The following SLC38A7 variants were observed in gnomAD, a reference collection of about 807,000 sequenced individuals.
SLC38A7 encodes the protein sodium-coupled neutral amino acid transporter 7.
In SLC38A7, 29 loss-of-function variants were observed where a neutral mutation model predicts 50.1. The observed-to-expected ratio is 0.58, with a 90% CI of 0.43 to 0.79. SLC38A7 has a LOEUF of 0.79. Ranked by LOEUF, SLC38A7 falls within the 30% of genes least tolerant of loss-of-function variation. SLC38A7 has a pLI of 0.00. For synonymous variants in SLC38A7, 244 were observed against 245.9 expected (o/e 0.99, Z 0.07); for missense variants, 483 against 610.6 (o/e 0.79, Z 2.20).
chr16:58,672,048 G>C, intron 9 of SLC38A7, 48 bp downstream of exon 9: 1 of 1,486,912 alleles, frequency 6.7e-7, no homozygotes, highest in South Asian at 1.3e-5. Context: ...CATGTTGGAA[G>C]CGCTCACAGG....
chr16:58,674,620 TTAAG>T (rs1428243742), intron 8 of SLC38A7, among the ~76,000 whole-genome samples: 2 of 152,008 alleles, frequency 1.3e-5, no homozygotes, highest in African/African-American at 4.8e-5. Flanking sequence ...ACACTGGTCT[TTAAG>T]TAAACAATAA....
rs1235825858 is a variant in SLC38A7, at chr16:58,672,251, C to T, written c.884-8G>A. The T allele has an allele frequency of 1.9e-6, 3 of 1,577,012 alleles. No homozygotes were observed. The highest frequency in any genetic ancestry group is 2.6e-6 in the Non-Finnish European group (3 of 1,161,054). The stretch of plus-strand genomic sequence containing the variant: ...TCAGGAAGCCACAGATGCCTGTGGG[C>T]AGGGACAACTGGGTCAGGGCAACCC... On this transcript the variant is annotated splice_polypyrimidine_tract_variant and splice_region_variant and intron_variant, in intron 8 of 11. Transcript: ENST00000219320.
In SLC38A7 at chr16:58,678,248, G is replaced by A. The variant is rs528806576; in HGVS notation, c.611+85C>T. On this transcript the variant is annotated intron_variant, in intron 5 of 11. Coordinates refer to ENST00000219320, the MANE Select transcript of SLC38A7 (RefSeq NM_018231.3). The surrounding 1 kb of genome is among the most constrained non-coding windows in gnomAD (Gnocchi z 4.0). ...TTGCTCCCCAAGGTGAGGTGGCATG[G>A]AGGAGCAGGGTTCCCCAGGAGCCCT... The A allele has an allele frequency of 1.1e-4, 154 of 1,421,448 alleles. No individual in the cohort carries two copies. The highest frequency in any genetic ancestry group is 1.3e-4 in the Non-Finnish European group (140 of 1,076,768). 88.1% of individuals were successfully genotyped at this position (1,421,448 alleles called of 1,614,324 possible). A position where few individuals can be genotyped will look rare whatever the true frequency, so the allele number is the denominator to read the frequency against.
Position 58,671,108 on chromosome 16 carries a change from CAG to C in SLC38A7, c.1166_1167del (p.Pro389ArgfsTer32), listed in dbSNP as rs2044150642. The C allele has an allele frequency of 6.2e-7, 1 of 1,613,756 alleles. No individual in the cohort carries two copies. The highest frequency in any genetic ancestry group is 1.1e-5 in the South Asian group (1 of 91,072). ...LLTLLLALFI[P>X]DIGKVISVIG... The stretch of plus-strand genomic sequence containing the variant: ...ATGACTGAGATCACCTTGCCGATGT[CAG>C]GGATGAAGAGCGCCAGCAGCAGGGT... On this transcript the variant is annotated frameshift_variant, in exon 10 of 12. Coordinates refer to ENST00000219320, the MANE Select transcript of SLC38A7 (RefSeq NM_018231.3). LOFTEE classifies it high-confidence loss of function.
chr16:58,679,829 C>T (rs368144963), intron 3 of SLC38A7, 28 bp downstream of exon 3: 2 of 1,612,026 alleles, frequency 1.2e-6, no homozygotes, highest in African/African-American at 2.7e-5. Flanking sequence ...CTGAACTGCA[C>T]CTCTGCCCTC....
intron 8 of SLC38A7, among the ~76,000 whole-genome samples, chr16:58,673,868 C>T (rs2044209549): frequency 6.6e-6 from 1 of 150,718 alleles, no homozygotes; most frequent in Non-Finnish European, 1.5e-5. Context: ...CTTTCTCCCC[C>T]AGGCTGGAGT....
chr16:58,671,912 C>G (rs2044166782), intron 9 of SLC38A7, 184 bp downstream of exon 9: 2 of 602,390 alleles, frequency 3.3e-6, no homozygotes. Context: ...TTCTGGTGAC[C>G]CCAGGACAAA....
At position 58,678,218 on chromosome 16, in the gene SLC38A7, T is replaced by G; in HGVS notation, c.611+115A>C. ...AAGCCCCGGTCTGCCCTGCCTTGCC[T>G]ACTCTTGCTCCCCAAGGTGAGGTGG... On this transcript the variant is annotated intron_variant, in intron 5 of 11. Coordinates refer to ENST00000219320, the MANE Select transcript of SLC38A7 (RefSeq NM_018231.3). This position sits in a 1 kb window ranked among gnomAD's most constrained non-coding sequence, Gnocchi z 4.0. 1 of 1,296,590 alleles carries G rather than the reference T, an allele frequency of 7.7e-7. No homozygotes were observed. The highest frequency in any genetic ancestry group is 1.0e-6 in the Non-Finnish European group (1 of 966,192). 80.3% of individuals were successfully genotyped at this position (1,296,590 alleles called of 1,614,324 possible).
intron 11 of SLC38A7, among the ~76,000 whole-genome samples, chr16:58,667,847 G>A (rs1051548166): frequency 6.6e-6 from 1 of 152,190 alleles, no homozygotes; most frequent in East Asian, 1.9e-4. Flanking sequence ...CCAATTAACA[G>A]CAACAGGGAT....
intron 8 of SLC38A7, among the ~76,000 whole-genome samples, chr16:58,673,191 C>T (rs1183206751): frequency 3.4e-5 from 5 of 146,656 alleles, no homozygotes; most frequent in Non-Finnish European, 1.5e-5. Flanking sequence ...CATGCCTCAG[C>T]CTCCTAAGCA....
intron 8 of SLC38A7, chr16:58,675,477 T>C (rs986762513): frequency 4.6e-5 from 14 of 305,198 alleles, no homozygotes; most frequent in Non-Finnish European, 5.8e-5. Context: ...ATCATGCCAC[T>C]GCACTCCAGC....
In SLC38A7 at chr16:58,677,337, G is replaced by A; in HGVS notation, c.699C>T (p.Asn233=). 6.2e-7 allele frequency: 1 copy of A among 1,614,022 alleles called. No individual in the cohort carries two copies. Among genetic ancestry groups the A allele is most frequent in the Non-Finnish European group, 8.5e-7 (1 of 1,179,932 alleles). Residue 233 remains asparagine (N), a synonymous_variant, in exon 6 of 12, where the codon AAC becomes AAT. Coordinates refer to ENST00000219320, the MANE Select transcript of SLC38A7 (RefSeq NM_018231.3). ...GCCCTCACCCTCACCTGGTCAGGAT[G>A]TTCCCTGGGGTCATCTCTTTATCTG... The part of the protein sequence containing the change: ...IWPDKEMTPG[N]ILTRPASWMA...
Position 58,678,282 on chromosome 16 carries a change from C to T in SLC38A7, c.611+51G>A. The T allele has an allele frequency of 3.4e-6, 5 of 1,485,348 alleles. No individual in the cohort carries two copies. The highest frequency in any genetic ancestry group is 2.3e-5 in the East Asian group (1 of 42,770). The allele number at this position is 1,485,348 out of a possible 1,614,324, so 92.0% of individuals were successfully genotyped here. Reference sequence around the variant, plus strand: ...GGTTCCCCAGGAGCCCTTGGGTCTACAGCTGCCCAGGATCATAGCTTCTGT... The same window carrying T: ...GGTTCCCCAGGAGCCCTTGGGTCTATAGCTGCCCAGGATCATAGCTTCTGT... On this transcript the variant is annotated intron_variant, in intron 5 of 11. Coordinates refer to ENST00000219320, the MANE Select transcript of SLC38A7 (RefSeq NM_018231.3). This position sits in a 1 kb window ranked among gnomAD's most constrained non-coding sequence, Gnocchi z 4.0.
At chr16:58,677,512 GACC>G (rs1437246727) in intron 5 of SLC38A7, 88 bp from the exon 6 acceptor site, 3 of 1,115,104 alleles carry the variant, frequency 2.7e-6, no homozygotes, top group East Asian at 2.4e-5. Context: ...CAGCTCTAGC[GACC>G]ACAAGTGTCC....
intron 2 of SLC38A7, chr16:58,681,898 T>G (rs980633283): frequency 2.6e-5 from 4 of 152,350 alleles, no homozygotes; most frequent in African/African-American, 9.6e-5. Flanking sequence ...GGCTCACATC[T>G]GTAATTCCAG....
chr16:58,679,581 A>AGGGCCCTCTTTTTAAAC lies in SLC38A7; in HGVS notation c.270+259_270+275dup, dbSNP rs149155011. The stretch of plus-strand genomic sequence containing the variant: ...TTTCAGTATGTAGTTCTAAAAGATA[A>AGGGCCCTCTTTTTAAAC]GGGCCCTCTTTTTAAACATACCACA... On this transcript the variant is annotated intron_variant, in intron 3 of 11. Coordinates refer to ENST00000219320, the MANE Select transcript of SLC38A7 (RefSeq NM_018231.3). 3,595 of 532,136 alleles carry AGGGCCCTCTTTTTAAAC rather than the reference A, an allele frequency of 6.8e-3. 102 individuals are homozygous for AGGGCCCTCTTTTTAAAC. Among genetic ancestry groups the AGGGCCCTCTTTTTAAAC allele is most frequent in the African/African-American group, 0.062 (3,251 of 52,490 alleles). 33.0% of individuals were successfully genotyped at this position (532,136 alleles called of 1,614,324 possible).
chr16:58,672,842 G>A lies in SLC38A7; in HGVS notation c.884-599C>T, dbSNP rs534934099. On this transcript the variant is annotated intron_variant, in intron 8 of 11. Transcript: ENST00000219320. ...TCTTGTAGAGATGGGGTCTTGCTAC[G>A]TTTCCCAGTCTGGTCTTGAACTCCT... Among the ~76,000 whole-genome samples the A allele has an allele frequency of 5.3e-4, 80 of 152,032 alleles. No homozygotes were observed. The South Asian group carries it at 0.016, about 31-fold the overall frequency.
Position 58,678,493 on chromosome 16 carries a change from G to A in SLC38A7, c.470-19C>T. 1 of 1,545,212 alleles carries A rather than the reference G, an allele frequency of 6.5e-7. No homozygotes were observed. Among genetic ancestry groups the A allele is most frequent in the Non-Finnish European group, 8.7e-7 (1 of 1,143,192 alleles). On this transcript the variant is annotated intron_variant, in intron 4 of 11. Transcript: ENST00000219320. This position sits in a 1 kb window ranked among gnomAD's most constrained non-coding sequence, Gnocchi z 4.0. ...GCTATAACTGCACAGGGAGGAAGGAGGGAATGTCAAGCCAGGCCACCATGG... is the reference window on the plus strand; with the variant it reads ...GCTATAACTGCACAGGGAGGAAGGAAGGAATGTCAAGCCAGGCCACCATGG...
At chr16:58,673,846 GACAGAGTCTC>G (rs2044208494) in intron 8 of SLC38A7, among the ~76,000 whole-genome samples, 1 of 145,174 alleles carries the variant, frequency 6.9e-6, no homozygotes, top group Non-Finnish European at 1.5e-5. Flanking sequence ...TTTTTTTGAA[GACAGAGTCTC>G]ACTTTCTCCC....
Sources: allele counts gnomAD v4.1 joint callset (sites outside exome capture counted in the v4.1 genomes callset), GRCh38; gene constraint gnomAD v4.1.1; non-coding constraint Gnocchi (gnomAD v3.1); transcripts MANE v1.5; gene names NCBI Gene and HGNC (gene_info 2026-07-23, HGNC 2026-07-21).